The following PRH1 variants were observed in gnomAD, a reference collection of about 807,000 sequenced individuals.
PRH1 encodes proline rich protein HaeIII subfamily 1.
Under a neutral mutation model 7.9 loss-of-function variants are expected in PRH1, and 7 were observed. The ratio of observed to expected loss-of-function variants is 0.89; its 90% CI spans 0.50 to 1.67. The LOEUF (loss-of-function observed/expected upper bound fraction) is 1.67, where lower values mean the gene tolerates loss of function less well. PRH1 is among the 40% of genes most tolerant of loss of function. PRH1 has a pLI of 0.00. For missense variants in PRH1, 109 were observed against 223.6 expected (o/e 0.49, Z 3.27); for synonymous variants, 45 against 80.8 (o/e 0.56, Z 2.38).
chr12:11,037,675 C>G (rs1942495436), intron 1 of PRH1, among the ~76,000 whole-genome samples: 1 of 152,192 alleles, frequency 6.6e-6, no homozygotes, highest in Admixed American at 6.5e-5. Context: ...TTTGATGTTT[C>G]AAATTCATAT....
chr12:11,099,555 G>T (rs542496971), intron 1 of PRH1, among the ~76,000 whole-genome samples: 1 of 152,186 alleles, frequency 6.6e-6, no homozygotes, highest in African/African-American at 2.4e-5. Context: ...AAATTAGGTG[G>T]GCTCAGTGGA....
At chr12:11,138,836 C>T (rs980285007) in intron 1 of PRH1, among the ~76,000 whole-genome samples, 2 of 152,016 alleles carry the variant, frequency 1.3e-5, no homozygotes, top group African/African-American at 4.8e-5. Context: ...CACAGGAGTT[C>T]AAGACCAGCT....
chr12:11,077,845 A>G lies in PRH1; in HGVS notation n.124-30657T>C. 4 of 1,019,206 alleles carry G rather than the reference A, an allele frequency of 3.9e-6. 1 individual carries two copies. The highest frequency in any genetic ancestry group is 4.6e-6 in the Non-Finnish European group (3 of 650,506). The allele number at this position is 1,019,206 out of a possible 1,614,324, so 63.1% of individuals were successfully genotyped here. A position where few individuals can be genotyped will look rare whatever the true frequency, so the allele number is the denominator to read the frequency against. ...AATCAAAAATACCAAGGGACCCAAC[A>G]GTATCACCAGAACAACACTCCTAAT... On this transcript the variant is annotated intron_variant and non_coding_transcript_variant, in intron 1 of 4. Coordinates refer to the PRH1 transcript ENST00000541977.
chr12:11,148,607 T>C (rs1189171549), intron 1 of PRH1, among the ~76,000 whole-genome samples: 7 of 140,504 alleles, frequency 5.0e-5, no homozygotes, highest in Non-Finnish European at 1.1e-4. Flanking sequence ...TTGCATATAT[T>C]GAACCAGCCT....
chr12:11,160,574 G>A (rs752635569), intron 1 of PRH1, among the ~76,000 whole-genome samples: 1 of 152,068 alleles, frequency 6.6e-6, no homozygotes, highest in Non-Finnish European at 1.5e-5. Context: ...AGGTTCAAGC[G>A]ATCCTTCTGC....
Position 10,882,440 on chromosome 12 carries a change from C to A in PRH1, c.359G>T (p.Gly120Val), listed in dbSNP as rs774275380. The stretch of plus-strand genomic sequence containing the variant: ...CCTTCCTTGAGGAGGAGGGGGATGG[C>A]CTCCCTGTTGGGGTGGTCCTTGTGG... ...GKPQGPPQQG[G>V]HPPPPQGRPQ... The change falls in exon 3 of 4, where the codon GGC (glycine) becomes GTC (valine). Residue 120 changes from glycine to valine, a missense_variant. By Grantham distance (109) the Gly-to-Val change is moderately radical. Transcript: ENST00000543626. 6.3e-7 allele frequency: 1 copy of A among 1,595,170 alleles called. No individual in the cohort carries two copies. Among genetic ancestry groups the A allele is most frequent in the South Asian group, 1.1e-5 (1 of 89,788 alleles).
At chr12:10,927,197 C>T (rs577974046) in intron 2 of PRH1, among the ~76,000 whole-genome samples, 1 of 152,318 alleles carries the variant, frequency 6.6e-6, no homozygotes, top group African/African-American at 2.4e-5. Context: ...AAGGAGAAAT[C>T]TGTCTTTCAC....
intron 1 of PRH1, among the ~76,000 whole-genome samples, chr12:11,162,177 AATG>A: frequency 6.6e-6 from 1 of 152,290 alleles, no homozygotes; most frequent in Non-Finnish European, 1.5e-5. Context: ...ATCCTCAGAA[AATG>A]ATGGATAAGG....
intron 1 of PRH1, chr12:11,022,388 T>C: frequency 1.9e-6 from 3 of 1,589,506 alleles, no homozygotes; most frequent in Non-Finnish European, 1.7e-6. Context: ...AGGAATAACA[T>C]GACCCAGAGT....
At chr12:11,019,869 G>C (rs1243735588) in intron 1 of PRH1, among the ~76,000 whole-genome samples, 2 of 152,232 alleles carry the variant, frequency 1.3e-5, no homozygotes, top group Admixed American at 6.5e-5. Context: ...TAACATTCTT[G>C]TCATGGGGTC....
intron 1 of PRH1, among the ~76,000 whole-genome samples, chr12:10,990,598 G>A (rs901216112): frequency 1.3e-5 from 2 of 152,186 alleles, no homozygotes; most frequent in Non-Finnish European, 2.9e-5. Flanking sequence ...AAAATCTAAA[G>A]CTGAAGAATG....
intron 1 of PRH1, among the ~76,000 whole-genome samples, chr12:10,994,103 G>A (rs970435061): frequency 5.3e-5 from 8 of 152,204 alleles, no homozygotes; most frequent in Non-Finnish European, 8.8e-5. Context: ...GGCACAAGGA[G>A]TGGACTGCAT....
intron 2 of PRH1, among the ~76,000 whole-genome samples, chr12:10,956,648 T>C (rs1408159883): frequency 6.6e-6 from 1 of 152,158 alleles, no homozygotes; most frequent in Non-Finnish European, 1.5e-5. Context: ...GCAGATAATG[T>C]GACTTTATAC....
intron 1 of PRH1, among the ~76,000 whole-genome samples, chr12:11,168,903 A>G (rs942605118): frequency 6.6e-6 from 1 of 152,230 alleles, no homozygotes; most frequent in African/African-American, 2.4e-5. Flanking sequence ...AGCTATTGTG[A>G]ACCACCCCCA....
At chr12:11,010,553 T>C (rs1223727386) in intron 1 of PRH1, among the ~76,000 whole-genome samples, 4 of 151,970 alleles carry the variant, frequency 2.6e-5, no homozygotes, top group Non-Finnish European at 5.9e-5. Context: ...TTTTACCACA[T>C]TCTAAAGTGT....
chr12:10,955,662 AAT>A (rs543738097), intron 2 of PRH1, among the ~76,000 whole-genome samples: 147 of 152,192 alleles, frequency 9.7e-4, no homozygotes, highest in African/African-American at 3.3e-3. Flanking sequence ...TTAAAAAATT[AAT>A]ATGATAGACC....
At chr12:11,125,244 CT>C (rs1291142972) in intron 1 of PRH1, among the ~76,000 whole-genome samples, 1 of 152,288 alleles carries the variant, frequency 6.6e-6, no homozygotes, top group Non-Finnish European at 1.5e-5. Context: ...GATTTACTTG[CT>C]ATTTTTTTTC....
chr12:11,150,752 A>G (rs1947055741), intron 1 of PRH1, among the ~76,000 whole-genome samples: 1 of 152,200 alleles, frequency 6.6e-6, no homozygotes, highest in Non-Finnish European at 1.5e-5. Flanking sequence ...GCACACCAGC[A>G]TGGCTCATGT....
At position 10,983,335 on chromosome 12, in the gene PRH1, C is replaced by T. The variant is rs572090554; in HGVS notation, c.-125-9614G>A. On this transcript the variant is annotated intron_variant, in intron 1 of 3. Coordinates refer to the PRH1 transcript ENST00000539853. ...CCTGTGCAACTGTGAAGTCATATGC[C>T]TATAAAGCCAGCCATGATTGGAGGG... Among the ~76,000 whole-genome samples the T allele has an allele frequency of 7.9e-5, 12 of 152,334 alleles. No individual in the cohort carries two copies. In the East Asian group the frequency reaches 1.5e-3, roughly 20 times the overall value.
Sources: gnomAD v4.1 joint callset for allele counts (sites outside exome capture counted in the v4.1 genomes callset) on GRCh38, gnomAD v4.1.1 for gene constraint, MANE v1.5 for transcripts, NCBI Gene and HGNC (gene_info 2026-07-23, HGNC 2026-07-21) for gene names.